GXYLT1: variants seen among roughly 807,000 people sequenced by gnomAD.
GXYLT1 encodes glycosyltransferase 8 domain containing 3.
In GXYLT1, 29 loss-of-function variants were observed where a neutral mutation model predicts 54.0. The ratio of observed to expected loss-of-function variants is 0.54; its 90% CI spans 0.40 to 0.73. The LOEUF is 0.73. Ranked by LOEUF, GXYLT1 falls within the 30% of genes least tolerant of loss-of-function variation. GXYLT1 has a pLI of 0.00. For missense variants in GXYLT1, 490 were observed against 553.4 expected (o/e 0.89, Z 1.15); for synonymous variants, 176 against 204.1 (o/e 0.86, Z 1.17).
intron 1 of GXYLT1, among the ~76,000 whole-genome samples, chr12:42,139,699 T>G (rs992475802): frequency 6.6e-6 from 1 of 152,218 alleles, no homozygotes; most frequent in Non-Finnish European, 1.5e-5. Flanking sequence ...AAGATAACCC[T>G]TCACAAATAT....
At position 42,144,823 on chromosome 12, in the gene GXYLT1, C is replaced by A; in HGVS notation, c.-177G>T. 1 of 397,276 alleles carries A rather than the reference C, an allele frequency of 2.5e-6. No homozygotes were observed. The highest frequency in any genetic ancestry group is 6.8e-5 in the South Asian group (1 of 14,708). 24.6% of individuals were successfully genotyped at this position (397,276 alleles called of 1,614,324 possible). ...CGCCCACCACCTAGGCGAGCGCAGT[C>A]GCGGCTCCGGAGCCGAAGGACTACC... On this transcript the variant is annotated 5_prime_UTR_variant, in exon 1 of 8. Coordinates refer to ENST00000398675, the MANE Select transcript of GXYLT1 (RefSeq NM_173601.2).
intron 7 of GXYLT1, among the ~76,000 whole-genome samples, chr12:42,095,827 C>T (rs1345114592): frequency 1.3e-5 from 2 of 152,086 alleles, no homozygotes; most frequent in Non-Finnish European, 2.9e-5. Flanking sequence ...AATAATCACA[C>T]TGAAAGATCG....
intron 2 of GXYLT1, among the ~76,000 whole-genome samples, chr12:42,120,310 A>T (rs958357825): frequency 6.6e-6 from 1 of 152,234 alleles, no homozygotes; most frequent in Non-Finnish European, 1.5e-5. Flanking sequence ...CTTCACATTA[A>T]TAACACACAT....
chr12:42,132,654 G>A (rs1443506506), intron 1 of GXYLT1, among the ~76,000 whole-genome samples: 1 of 152,096 alleles, frequency 6.6e-6, no homozygotes, highest in Admixed American at 6.6e-5. Context: ...TCAAGAAAAC[G>A]CCCACGTGAG....
chr12:42,097,453 C>T lies in GXYLT1; in HGVS notation c.1150G>A (p.Ala384Thr), dbSNP rs143025715. The stretch of plus-strand genomic sequence containing the variant: ...AAGGCAAATCTTACATTTCTCAGTG[C>T]TTCATAAACAGCTCTAAATGCTGGT... Reference protein sequence around the residue: ...KQPAFRAVYEALRNCSFEDDN... With the variant: ...KQPAFRAVYETLRNCSFEDDN... The change falls in exon 7 of 8, where the codon GCA becomes ACA. Residue 384 changes from alanine (A) to threonine (T), a missense_variant. Ala to Thr is a moderately conservative substitution (Grantham distance 58, BLOSUM62 0). Transcript: ENST00000398675. The T allele has an allele frequency of 8.5e-5, 134 of 1,570,240 alleles. No homozygotes were observed. The African/African-American group carries it at 1.7e-3, about 20-fold the overall frequency.
At chr12:42,122,304 C>A (rs1234103) in intron 2 of GXYLT1, among the ~76,000 whole-genome samples, 1 of 151,990 alleles carries the variant, frequency 6.6e-6, no homozygotes, top group African/African-American at 2.4e-5. Flanking sequence ...ACAAAGTGAA[C>A]CCTGGCCGGG....
At position 42,085,338 on chromosome 12, in the gene GXYLT1, ACCACAGCATACAGT is replaced by A. The variant is rs1281881908; in HGVS notation, c.*2434_*2447del. 6.6e-6 allele frequency: 1 copy of A among 152,296 alleles called. No individual in the cohort carries two copies. The highest frequency in any genetic ancestry group is 1.5e-5 in the Non-Finnish European group (1 of 68,058). 9.4% of individuals were successfully genotyped at this position (152,296 alleles called of 1,614,324 possible). Reference sequence around the variant, plus strand: ...GTAAATAAGCCACAACATGAGTGAGACCACAGCATACAGTCCAGTTGGATTAAACTGTGACCACG... The same window carrying A: ...GTAAATAAGCCACAACATGAGTGAGACCAGTTGGATTAAACTGTGACCACG... On this transcript the variant is annotated 3_prime_UTR_variant, in exon 8 of 8. Coordinates refer to ENST00000398675, the MANE Select transcript of GXYLT1 (RefSeq NM_173601.2).
rs2065672914 is a variant in GXYLT1, at chr12:42,144,734, C to A, written c.-88G>T. The A allele has an allele frequency of 9.5e-7, 1 of 1,053,700 alleles. No homozygotes were observed. Among genetic ancestry groups the A allele is most frequent in the Non-Finnish European group, 1.2e-6 (1 of 807,866 alleles). The allele number at this position is 1,053,700 out of a possible 1,614,324, so 65.3% of individuals were successfully genotyped here. ...GGGAGGGGCACCGCGCAGCCGCGGGCGCAACAAGTTCCTCACCCGCAGCCG... is the reference window on the plus strand; with the variant it reads ...GGGAGGGGCACCGCGCAGCCGCGGGAGCAACAAGTTCCTCACCCGCAGCCG... On this transcript the variant is annotated 5_prime_UTR_variant, in exon 1 of 8. Transcript: ENST00000398675.
At chr12:42,138,575 C>A (rs779300855) in intron 1 of GXYLT1, among the ~76,000 whole-genome samples, 2 of 151,974 alleles carry the variant, frequency 1.3e-5, no homozygotes, top group Non-Finnish European at 2.9e-5. Context: ...CTTTCCTATG[C>A]GTAATAAAGG....
At position 42,105,816 on chromosome 12, in the gene GXYLT1, A is replaced by G. The variant is rs1195921867; in HGVS notation, c.864+2T>C. 10 of 1,597,632 alleles carry G rather than the reference A, an allele frequency of 6.3e-6. No homozygotes were observed. The highest frequency in any genetic ancestry group is 8.5e-6 in the Non-Finnish European group (10 of 1,174,542). Reference sequence around the variant, plus strand: ...TAACAACTACCTGTATTAGTGACTTACCTTGAAATACTTCCTTCTCATTCG... The same window carrying G: ...TAACAACTACCTGTATTAGTGACTTGCCTTGAAATACTTCCTTCTCATTCG... On this transcript the variant is annotated splice_donor_variant, in intron 5 of 7. Coordinates refer to ENST00000398675, the MANE Select transcript of GXYLT1 (RefSeq NM_173601.2). LOFTEE classifies it high-confidence loss of function.
Position 42,144,657 on chromosome 12 carries a change from G to A in GXYLT1, c.-11C>T, listed in dbSNP as rs938115072. ...CAGGTAGCGCCGCATCGCCCCGGCC[G>A]CGCTCCTCCTTCGCCGCCGCCGCCG... On this transcript the variant is annotated 5_prime_UTR_variant, in exon 1 of 8. Transcript: ENST00000398675. 11 of 1,324,154 alleles carry A rather than the reference G, an allele frequency of 8.3e-6. No homozygotes were observed. Among genetic ancestry groups the A allele is most frequent in the African/African-American group, 7.7e-5 (5 of 64,610 alleles). The allele number at this position is 1,324,154 out of a possible 1,614,324, so 82.0% of individuals were successfully genotyped here.
Position 42,097,565 on chromosome 12 carries a change from A to G in GXYLT1, c.1038T>C (p.Cys346=). ...PCQWNYRPDH[C]IYGSNCQEAE... ...CTTCTTGGCAATTGCTTCCATATAT[A>G]CAATGATCTGGTCGATAATTCCATT... Residue 346 remains cysteine, a synonymous_variant, in exon 7 of 8, where the codon TGT becomes TGC. Coordinates refer to ENST00000398675, the MANE Select transcript of GXYLT1 (RefSeq NM_173601.2). The G allele has an allele frequency of 6.2e-7, 1 of 1,612,000 alleles. No individual in the cohort carries two copies. The highest frequency in any genetic ancestry group is 1.3e-5 in the African/African-American group (1 of 74,970).
Position 42,097,993 on chromosome 12 carries a change from A to G in GXYLT1, c.905T>C (p.Leu302Pro), listed in dbSNP as rs1356094473. The change falls in exon 6 of 8, where the codon CTT (leucine) becomes CCT (proline). Residue 302 changes from leucine to proline, a missense_variant. Coordinates refer to ENST00000398675, the MANE Select transcript of GXYLT1 (RefSeq NM_173601.2). ...TTTGTATTTTTTAAGCAATGGCATAAGTATATCTCCCCATTGTAGTCGTAC... is the reference window on the plus strand; with the variant it reads ...TTTGTATTTTTTAAGCAATGGCATAGGTATATCTCCCCATTGTAGTCGTAC... ...TTVRLQWGDI[L>P]MPLLKKYKLN... 1 of 1,606,756 alleles carries G rather than the reference A, an allele frequency of 6.2e-7. No individual in the cohort carries two copies. The highest frequency in any genetic ancestry group is 8.5e-7 in the Non-Finnish European group (1 of 1,174,066).
intron 2 of GXYLT1, among the ~76,000 whole-genome samples, chr12:42,121,219 A>G (rs918890757): frequency 2.6e-5 from 4 of 152,224 alleles, no homozygotes; most frequent in Admixed American, 2.6e-4. Context: ...CCATAGCTAG[A>G]TCTTGCCCCA....
At chr12:42,103,318 A>T (rs1688884) in intron 5 of GXYLT1, among the ~76,000 whole-genome samples, 1 of 151,668 alleles carries the variant, frequency 6.6e-6, no homozygotes, top group African/African-American at 2.4e-5. Flanking sequence ...GAACAGCCAC[A>T]AGTAGTAAGA....
chr12:42,119,237 A>G (rs2065516238), intron 2 of GXYLT1, 66 bp from the exon 3 acceptor site: 2 of 1,329,812 alleles, frequency 1.5e-6, no homozygotes, highest in Admixed American at 3.9e-5. Flanking sequence ...TACTTTCATC[A>G]TGCTCAAAAA....
At position 42,097,590 on chromosome 12, in the gene GXYLT1, T is replaced by C. The variant is rs1011281765; in HGVS notation, c.1013A>G (p.Gln338Arg). The C allele has an allele frequency of 7.5e-6, 12 of 1,606,024 alleles. No individual in the cohort carries two copies. The highest frequency in any genetic ancestry group is 1.7e-5 in the Admixed American group (1 of 57,786). Residue 338 changes from glutamine to arginine, a missense_variant, in exon 7 of 8, where the codon CAA becomes CGA. Gln to Arg is a conservative substitution (Grantham distance 43). Coordinates refer to ENST00000398675, the MANE Select transcript of GXYLT1 (RefSeq NM_173601.2). ...ACAATGATCTGGTCGATAATTCCAT[T>C]GACACGGAAAAACAAAAAGGCTTTC... is the stretch of plus-strand genomic sequence containing the variant. ...NPESLFVFPC[Q>R]WNYRPDHCIY...
At chr12:42,098,760 C>CATATATATAT (rs60199719) in intron 5 of GXYLT1, among the ~76,000 whole-genome samples, 2,707 of 96,814 alleles carry the variant, frequency 0.028, 134 homozygotes, top group African/African-American at 0.065. Context: ...AAATTTAAAA[C>CATATATATAT]ATATATATAT....
chr12:42,130,785 T>G (rs1377460818), intron 1 of GXYLT1, among the ~76,000 whole-genome samples: 3 of 152,008 alleles, frequency 2.0e-5, no homozygotes, highest in African/African-American at 7.2e-5. Context: ...ACTCCGTCTC[T>G]AAAAATAAAA....
Sources: allele counts gnomAD v4.1 joint callset (sites outside exome capture counted in the v4.1 genomes callset), GRCh38; gene constraint gnomAD v4.1.1; transcripts MANE v1.5; gene names NCBI Gene and HGNC (gene_info 2026-07-23, HGNC 2026-07-21).